Variants in JPH2 observed in about 807,000 individuals in gnomAD.
JPH2 encodes the protein junctophilin-2.
Under a neutral mutation model 55.9 loss-of-function variants are expected in JPH2, and 38 were observed. The observed-to-expected ratio is 0.68, with a 90% CI of 0.52 to 0.89. The LOEUF is 0.89. Among genes scored for constraint, JPH2 ranks in the 40% least tolerant of loss-of-function variants. JPH2 has a pLI of 0.00. For missense variants in JPH2, 964 were observed against 1,037.6 expected (o/e 0.93, Z 0.97); for synonymous variants, 480 against 472.4 (o/e 1.02, Z -0.21).
chr20:44,116,235 G>C lies in JPH2; in HGVS notation c.1440C>G (p.Pro480=). The part of the protein sequence containing the change: ...PQLHERETPR[P]EGGSPSPAGT... ...CGGCCGGTGACGGGGAGCCACCCTC[G>C]GGCCGAGGGGTCTCACGCTCGTGCA... is the stretch of plus-strand genomic sequence containing the variant. Residue 480 remains proline (P), a synonymous_variant, in exon 4 of 6, where the codon CCC becomes CCG. Coordinates refer to ENST00000372980, the MANE Select transcript of JPH2 (RefSeq NM_020433.5). The C allele has an allele frequency of 7.0e-7, 1 of 1,436,088 alleles. No individual in the cohort carries two copies. Among genetic ancestry groups the C allele is most frequent in the Non-Finnish European group, 9.0e-7 (1 of 1,104,974 alleles). The allele number at this position is 1,436,088 out of a possible 1,614,324, so 89.0% of individuals were successfully genotyped here.
chr20:44,160,193 G>GCCA lies in JPH2; in HGVS notation c.591_593dup (p.Gly199dup), dbSNP rs1168246539. The GCCA allele has an allele frequency of 7.1e-7, 1 of 1,400,994 alleles. No homozygotes were observed. Among genetic ancestry groups the GCCA allele is most frequent in the African/African-American group, 1.5e-5 (1 of 65,524 alleles). 86.8% of individuals were successfully genotyped at this position (1,400,994 alleles called of 1,614,324 possible). ...TGGCCAGGAGGCTGAGCGCGAAGCCGCCACGCGGGATGGCGGGCGAGGGCA... is the reference window on the plus strand; with the variant it reads ...TGGCCAGGAGGCTGAGCGCGAAGCCGCCACCACGCGGGATGGCGGGCGAGGGCA... On this transcript the variant is annotated inframe_insertion, in exon 2 of 6. Coordinates refer to ENST00000372980, the MANE Select transcript of JPH2 (RefSeq NM_020433.5). The surrounding 1 kb of genome is among the most constrained non-coding windows in gnomAD (Gnocchi z 4.9).
At chr20:44,138,639 C>G (rs916748279) in intron 2 of JPH2, among the ~76,000 whole-genome samples, 7 of 151,338 alleles carry the variant, frequency 4.6e-5, no homozygotes, top group Non-Finnish European at 1.0e-4. Context: ...TGCCTTGGCC[C>G]CCTCAAAGTG....
chr20:44,157,515 C>A (rs956752840), intron 2 of JPH2, among the ~76,000 whole-genome samples: 4 of 152,186 alleles, frequency 2.6e-5, no homozygotes, highest in Non-Finnish European at 5.9e-5. Flanking sequence ...ACATTTCCTG[C>A]ATGTTAATCT....
At chr20:44,128,437 T>C (rs1365087458) in intron 2 of JPH2, among the ~76,000 whole-genome samples, 1 of 152,154 alleles carries the variant, frequency 6.6e-6, no homozygotes, top group Non-Finnish European at 1.5e-5. Context: ...TTGAAGGTTG[T>C]AGAGTCTGCT....
rs1205970009 is a variant in JPH2, at chr20:44,160,409, T to G, written c.380-2A>C. 1 of 1,608,400 alleles carries G rather than the reference T, an allele frequency of 6.2e-7. No individual in the cohort carries two copies. Among genetic ancestry groups the G allele is most frequent in the Non-Finnish European group, 8.5e-7 (1 of 1,178,246 alleles). On this transcript the variant is annotated splice_acceptor_variant, in intron 1 of 5. Transcript: ENST00000372980. LOFTEE classifies it high-confidence loss of function. This position sits in a 1 kb window ranked among gnomAD's most constrained non-coding sequence, Gnocchi z 4.9. ...TGGTGAACTGGCCTTGGTACGTCCC[T>G]GCGGGCGAGGAGAGGGCGCGTCAGT...
chr20:44,152,519 A>T (rs1169733130), intron 2 of JPH2, among the ~76,000 whole-genome samples: 1 of 152,220 alleles, frequency 6.6e-6, no homozygotes, highest in Non-Finnish European at 1.5e-5. Flanking sequence ...TCCACAAAAA[A>T]GGGGGAAAAA....
intron 2 of JPH2, among the ~76,000 whole-genome samples, chr20:44,135,109 C>G (rs911118837): frequency 1.3e-5 from 2 of 151,340 alleles, no homozygotes; most frequent in Admixed American, 6.6e-5. Context: ...ACCATACCTA[C>G]TGGGGTGCCC....
rs1461050719 is a variant in JPH2 at position 44,112,005 on chromosome 20, G to GA, written c.*1512dup. On this transcript the variant is annotated 3_prime_UTR_variant, in exon 6 of 6. Transcript: ENST00000372980. ...GAAGAATCTGCAGGTTCTTCTCCAT[G>GA]AAAATACAGTCCTGGATTCCAGCCA... 1 of 152,310 alleles carries GA rather than the reference G, an allele frequency of 6.6e-6. No homozygotes were observed. Among genetic ancestry groups the GA allele is most frequent in the Non-Finnish European group, 1.5e-5 (1 of 68,134 alleles). 9.4% of individuals were successfully genotyped at this position (152,310 alleles called of 1,614,324 possible).
chr20:44,167,049 C>T (rs1008285494), intron 1 of JPH2, among the ~76,000 whole-genome samples: 21 of 152,240 alleles, frequency 1.4e-4, no homozygotes, highest in Admixed American at 3.3e-4. Context: ...ACATGCTCTT[C>T]TCTTCCCTCT....
chr20:44,109,160 G>A lies in JPH2; in HGVS notation c.*4358C>T, dbSNP rs2072125269. On this transcript the variant is annotated 3_prime_UTR_variant, in exon 6 of 6. Transcript: ENST00000372980. ...TGGTTCTGTAAAAGAGCACAGCTCT[G>A]GGTTTCAGTCCCAGCTCTGTCCTTC... Among the ~76,000 whole-genome samples, 1 of 152,122 alleles carries A rather than the reference G, an allele frequency of 6.6e-6. No homozygotes were observed. The highest frequency in any genetic ancestry group is 2.1e-4 in the South Asian group (1 of 4,826).
At chr20:44,148,131 C>G (rs1199074536) in intron 2 of JPH2, among the ~76,000 whole-genome samples, 1 of 152,124 alleles carries the variant, frequency 6.6e-6, no homozygotes, top group East Asian at 1.9e-4. Flanking sequence ...CCACTGCACT[C>G]CAGCCTTGGT....
rs2072154837 is a variant in JPH2, at chr20:44,112,692, GC to G, written c.*825del. 6.6e-6 allele frequency: 1 copy of G among 152,452 alleles called. No homozygotes were observed. The highest frequency in any genetic ancestry group is 2.4e-5 in the African/African-American group (1 of 41,434). The allele number at this position is 152,452 out of a possible 1,614,324, so 9.4% of individuals were successfully genotyped here. A position where few individuals can be genotyped will look rare whatever the true frequency, so the allele number is the denominator to read the frequency against. On this transcript the variant is annotated 3_prime_UTR_variant, in exon 6 of 6. Transcript: ENST00000372980. ...CAGGCCTCCTGCAGGTGACCCTCTA[GC>G]ATCCCAAGCACACGGGAAACCCCAA...
In JPH2 at chr20:44,118,629, G is replaced by T; in HGVS notation, c.1170-6C>A. The T allele has an allele frequency of 6.2e-7, 1 of 1,604,500 alleles. No homozygotes were observed. Among genetic ancestry groups the T allele is most frequent in the Non-Finnish European group, 8.5e-7 (1 of 1,177,072 alleles). On this transcript the variant is annotated splice_polypyrimidine_tract_variant and splice_region_variant and intron_variant, in intron 2 of 5. Coordinates refer to ENST00000372980, the MANE Select transcript of JPH2 (RefSeq NM_020433.5). ...TGGCCTTGGCGTGGCTTGTCCTATG[G>T]AGACAATGTGGCAGAAGACTCAGGA...
intron 2 of JPH2, among the ~76,000 whole-genome samples, chr20:44,139,157 A>T (rs557799226): frequency 6.6e-6 from 1 of 152,304 alleles, no homozygotes; most frequent in African/African-American, 2.4e-5. Context: ...TTTCCCCCCA[A>T]GGACAAGGCA....
chr20:44,119,060 T>C (rs1433336933), intron 2 of JPH2, among the ~76,000 whole-genome samples: 1 of 152,198 alleles, frequency 6.6e-6, no homozygotes, highest in Non-Finnish European at 1.5e-5. Context: ...ATGGATCCCT[T>C]CTCAGAATAA....
Position 44,160,059 on chromosome 20 carries a change from C to T in JPH2, c.728G>A (p.Arg243His), listed in dbSNP as rs1336861206. The T allele has an allele frequency of 6.5e-7, 1 of 1,543,148 alleles. No homozygotes were observed. The highest frequency in any genetic ancestry group is 8.7e-7 in the Non-Finnish European group (1 of 1,150,576). ...AESRTSVGSQ[R>H]SRVSFLKSDL... ...GCTCTTAAGGAAGCTGACACGGCTG[C>T]GCTGGCTACCCACGGACGTGCGCGA... The change falls in exon 2 of 6, where the codon CGC becomes CAC. Residue 243 changes from arginine (R) to histidine (H), a missense_variant. Coordinates refer to ENST00000372980, the MANE Select transcript of JPH2 (RefSeq NM_020433.5). The surrounding 1 kb of genome is among the most constrained non-coding windows in gnomAD (Gnocchi z 4.9).
intron 2 of JPH2, among the ~76,000 whole-genome samples, chr20:44,140,073 G>A (rs1031601006): frequency 4.6e-5 from 7 of 152,250 alleles, no homozygotes; most frequent in East Asian, 3.9e-4. Context: ...GGGTTTCACC[G>A]TGTTAGGCAG....
chr20:44,157,813 C>T (rs146161817), intron 2 of JPH2, among the ~76,000 whole-genome samples: 8 of 151,656 alleles, frequency 5.3e-5, no homozygotes, highest in Non-Finnish European at 7.3e-5. Context: ...AGACCATGTG[C>T]CCAGTCTCCT....
At chr20:44,183,981 A>G (rs945146057) in intron 1 of JPH2, among the ~76,000 whole-genome samples, 6 of 151,018 alleles carry the variant, frequency 4.0e-5, no homozygotes, top group African/African-American at 1.2e-4. Flanking sequence ...GCAAAATCCC[A>G]TTTCTACCAA....
Sources: allele counts gnomAD v4.1 joint callset (sites outside exome capture counted in the v4.1 genomes callset), GRCh38; gene constraint gnomAD v4.1.1; non-coding constraint Gnocchi (gnomAD v3.1); transcripts MANE v1.5; gene names NCBI Gene and HGNC (gene_info 2026-07-23, HGNC 2026-07-21).